MTREX: variants seen among roughly 807,000 people sequenced by gnomAD.
MTREX encodes the protein Mtr4 exosome RNA helicase, also known as exosome RNA helicase MTR4.
In MTREX, 76 loss-of-function variants were observed where a neutral mutation model predicts 135.4. The ratio of observed to expected loss-of-function variants is 0.56; its 90% CI spans 0.47 to 0.68. The LOEUF (loss-of-function observed/expected upper bound fraction) is 0.68, where lower values mean the gene tolerates loss of function less well. MTREX is among the 30% of genes least tolerant of loss of function. MTREX has a pLI of 0.00. For missense variants in MTREX, 920 were observed against 1,262.1 expected (o/e 0.73, Z 4.11); for synonymous variants, 404 against 401.6 (o/e 1.01, Z -0.07).
intron 5 of MTREX, chr5:55,329,512 G>A (rs1749435637): frequency 6.6e-6 from 1 of 152,026 alleles, no homozygotes; most frequent in Admixed American, 6.6e-5. Context: ...TGACACGTCT[G>A]ATAAGTTATG....
intron 25 of MTREX, among the ~76,000 whole-genome samples, chr5:55,421,833 C>T (rs1162736534): frequency 6.6e-6 from 1 of 152,130 alleles, no homozygotes; most frequent in Admixed American, 6.5e-5. Flanking sequence ...ATTTAATTAT[C>T]TTTGGATATA....
At chr5:55,359,212 T>C (rs529037640) in intron 15 of MTREX, among the ~76,000 whole-genome samples, 15 of 152,256 alleles carry the variant, frequency 9.9e-5, no homozygotes, top group Non-Finnish European at 1.8e-4. Context: ...ACTTTTATTT[T>C]GCTTGCTTAG....
At chr5:55,422,110 C>T (rs1256356347) in intron 25 of MTREX, among the ~76,000 whole-genome samples, 1 of 152,132 alleles carries the variant, frequency 6.6e-6, no homozygotes, top group Non-Finnish European at 1.5e-5. Flanking sequence ...TAATGTATTT[C>T]ATATATTAAA....
chr5:55,414,236 C>T lies in MTREX; in HGVS notation c.2806C>T (p.Gln936Ter). ...EQLAGPLRQM[Q>*]ECAKRIAKVS... is the part of the protein sequence containing the mutation. ...ATTAGCAGGACCACTTCGTCAAATG[C>T]AGGTAAGGTTTTTTTTTTTTTTTTT... Residue 936 changes from glutamine (Q) to a stop codon, truncating the protein, a stop_gained and splice_region_variant, in exon 24 of 27, where the codon CAG (glutamine) becomes TAG (stop). Transcript: ENST00000230640. LOFTEE classifies it high-confidence loss of function. 2 of 1,535,444 alleles carry T rather than the reference C, an allele frequency of 1.3e-6. No individual in the cohort carries two copies. The highest frequency in any genetic ancestry group is 8.7e-7 in the Non-Finnish European group (1 of 1,144,800).
chr5:55,360,191 T>C lies in MTREX; in HGVS notation c.1659+1493T>C, dbSNP rs573396914. 3.9e-5 allele frequency among the ~76,000 whole-genome samples: 6 copies of C among 152,340 alleles called. No homozygotes were observed. The South Asian group carries it at 1.2e-3, about 32-fold the overall frequency. ...TTGTGGACATTTCATATAAACAGAC[T>C]CGTATAATGTGTACCCTTTTGTATC... On this transcript the variant is annotated intron_variant, in intron 15 of 26. Coordinates refer to ENST00000230640, the MANE Select transcript of MTREX (RefSeq NM_015360.5).
At chr5:55,395,418 A>G (rs967821517) in intron 19 of MTREX, among the ~76,000 whole-genome samples, 2 of 151,984 alleles carry the variant, frequency 1.3e-5, no homozygotes, top group African/African-American at 4.8e-5. Flanking sequence ...AAAATAAAAT[A>G]AATAAAATAA....
At position 55,410,626 on chromosome 5, in the gene MTREX, G is replaced by C; in HGVS notation, c.2748G>C (p.Glu916Asp). 1 of 1,591,322 alleles carries C rather than the reference G, an allele frequency of 6.3e-7. No homozygotes were observed. The highest frequency in any genetic ancestry group is 8.6e-7 in the Non-Finnish European group (1 of 1,163,466). The part of the protein sequence containing the change: ...TALLSCFVFQ[E>D]NSSEMPKLTE... ...TATTAAGCTGCTTTGTGTTTCAAGA[G>C]AATGTAAGTTAATTGATTCAGCACA... Residue 916 changes from glutamate (E) to aspartate (D), a missense_variant, in exon 23 of 27, where the codon GAG becomes GAC. Coordinates refer to ENST00000230640, the MANE Select transcript of MTREX (RefSeq NM_015360.5).
At chr5:55,415,238 AACCTGTGGCATATTATACTTAGT>A (rs1436217590) in intron 24 of MTREX, among the ~76,000 whole-genome samples, 2 of 152,064 alleles carry the variant, frequency 1.3e-5, no homozygotes, top group Non-Finnish European at 2.9e-5. Context: ...AGAAAAAAAA[AACCTGTGGCATATTATACTTAGT>A]ACTCAGCTGA....
chr5:55,417,932 T>G (rs1750994824), intron 25 of MTREX, among the ~76,000 whole-genome samples: 1 of 151,774 alleles, frequency 6.6e-6, no homozygotes. Flanking sequence ...TTTTTTATTT[T>G]TTTTAGAAAA....
At chr5:55,366,238 C>A (rs1750101440) in intron 15 of MTREX, among the ~76,000 whole-genome samples, 1 of 151,714 alleles carries the variant, frequency 6.6e-6, no homozygotes, top group Admixed American at 6.6e-5. Context: ...CCTATAATCC[C>A]ATCATTTTGG....
chr5:55,381,228 A>G (rs1027575233), intron 18 of MTREX, among the ~76,000 whole-genome samples: 2 of 149,352 alleles, frequency 1.3e-5, no homozygotes, highest in Non-Finnish European at 3.0e-5. Flanking sequence ...TTTTCCCTCT[A>G]TTTTTCTGTC....
chr5:55,358,521 G>A, intron 14 of MTREX, 52 bp from the exon 15 acceptor site: 16 of 1,460,244 alleles, frequency 1.1e-5, no homozygotes, highest in African/African-American at 1.4e-5. Context: ...TTAAGAATAT[G>A]TTTTTTACCA....
At chr5:55,420,145 T>A (rs1751030623) in intron 25 of MTREX, among the ~76,000 whole-genome samples, 1 of 143,302 alleles carries the variant, frequency 7.0e-6, no homozygotes. Context: ...AAGAAAGGGT[T>A]CAGCCTAAGC....
intron 2 of MTREX, 46 bp downstream of exon 2, chr5:55,322,510 G>T: frequency 1.4e-6 from 2 of 1,415,988 alleles, no homozygotes; most frequent in Non-Finnish European, 1.9e-6. Flanking sequence ...TAATTCAGGT[G>T]GTTACATGAG....
At chr5:55,383,656 A>G (rs932400811) in intron 18 of MTREX, among the ~76,000 whole-genome samples, 2 of 152,216 alleles carry the variant, frequency 1.3e-5, no homozygotes, top group Admixed American at 1.3e-4. Flanking sequence ...CTGCATAGAA[A>G]GTGACCAAAC....
intron 15 of MTREX, among the ~76,000 whole-genome samples, chr5:55,360,180 TATA>T (rs1338627231): frequency 5.9e-5 from 9 of 152,222 alleles, no homozygotes; most frequent in African/African-American, 1.2e-4. Flanking sequence ...GGACATTTCA[TATA>T]AACAGACTCG....
chr5:55,414,148 G>C (rs750304611), intron 23 of MTREX, 34 bp from the exon 24 acceptor site: 2 of 1,484,470 alleles, frequency 1.3e-6, no homozygotes, highest in Non-Finnish European at 1.8e-6. Flanking sequence ...TTTAAACGTG[G>C]GTTTTTATAT....
At chr5:55,415,062 A>AT (rs1750945828) in intron 24 of MTREX, among the ~76,000 whole-genome samples, 1 of 152,024 alleles carries the variant, frequency 6.6e-6, no homozygotes, top group African/African-American at 2.4e-5. Flanking sequence ...GGATAAGCCG[A>AT]TTTTTTCTGT....
At chr5:55,315,051 G>A (rs1749177459) in intron 1 of MTREX, among the ~76,000 whole-genome samples, 1 of 152,192 alleles carries the variant, frequency 6.6e-6, no homozygotes, top group African/African-American at 2.4e-5. Context: ...TTAAGCCACT[G>A]GGTTTGTGGT....
Sources: allele counts gnomAD v4.1 joint callset (sites outside exome capture counted in the v4.1 genomes callset), GRCh38; gene constraint gnomAD v4.1.1; transcripts MANE v1.5; gene names NCBI Gene and HGNC (gene_info 2026-07-23, HGNC 2026-07-21).